The following PYM1 variants were observed in gnomAD, a reference collection of about 807,000 sequenced individuals.
The protein encoded by PYM1 is partner of Y14 and mago.
A neutral mutation model predicts 20.7 loss-of-function variants in PYM1; 7 were observed. The observed-to-expected ratio is 0.34, with a 90% CI of 0.19 to 0.64. The LOEUF is 0.64. Among genes scored for constraint, PYM1 ranks in the 30% least tolerant of loss-of-function variants. The pLI is 0.74. For missense variants in PYM1, 194 were observed against 250.0 expected, an observed-to-expected ratio of 0.78 and a Z score of 1.51; for synonymous variants, 100 against 99.2, an observed-to-expected ratio of 1.01 and a Z score of -0.05.
chr12:55,927,619 G>T, intron 1 of PYM1, 106 bp downstream of exon 1: 5 of 1,411,706 alleles, frequency 3.5e-6, no homozygotes, highest in Non-Finnish European at 3.8e-6. Flanking sequence ...ACCCTAAGAA[G>T]GTGGGGAGGT....
rs1266637800 is a variant in PYM1, at chr12:55,927,749, C to G, written c.13G>C (p.Gly5Arg). The change falls in exon 1 of 3, where the codon GGC becomes CGC. Residue 5 changes from glycine to arginine, a missense_variant. This residue lies in a region of PYM1 where 19 missense variants were observed against 17.8 expected (regional missense o/e 1.07). Transcript: ENST00000408946. MEAA[G>R]SPAATETGKY... is the part of the protein sequence containing the mutation. ...CCTGTCTCCGTAGCCGCAGGGCTGC[C>G]GGCAGCTTCCATGGCCGAAGAGGCA... 9 of 1,539,490 alleles carry G rather than the reference C, an allele frequency of 5.8e-6. No individual in the cohort carries two copies. The Admixed American group carries it at 9.8e-5, about 17-fold the overall frequency.
At chr12:55,906,068 T>C (rs1407418777) in intron 1 of PYM1, among the ~76,000 whole-genome samples, 1 of 148,682 alleles carries the variant, frequency 6.7e-6, no homozygotes, top group East Asian at 1.9e-4. Flanking sequence ...AAACTATCAG[T>C]TGTTTTCCTT....
chr12:55,927,240 A>C (rs995650289), intron 1 of PYM1: 26 of 1,322,018 alleles, frequency 2.0e-5, no homozygotes, highest in Non-Finnish European at 2.7e-5. Context: ...TCATGGGCGG[A>C]GGTGGAGGAG....
intron 1 of PYM1, chr12:55,927,294 T>A: frequency 2.1e-6 from 2 of 942,364 alleles, no homozygotes; most frequent in African/African-American, 1.6e-5. Flanking sequence ...AATAAAGCCG[T>A]GGGCTTTTTA....
At chr12:55,923,794 A>G (rs1883140656) in intron 1 of PYM1, among the ~76,000 whole-genome samples, 1 of 151,764 alleles carries the variant, frequency 6.6e-6, no homozygotes, top group African/African-American at 2.4e-5. Flanking sequence ...AAAAAAAGAA[A>G]TGGCTAGGCG....
chr12:55,904,595 CAAAAAAAAA>C (rs57817659), intron 1 of PYM1, among the ~76,000 whole-genome samples: 1 of 66,946 alleles, frequency 1.5e-5, no homozygotes, highest in Non-Finnish European at 2.7e-5. Flanking sequence ...GACTCCATCT[CAAAAAAAAA>C]AAAAAAAAAA....
Position 55,908,041 on chromosome 12 carries a change from C to T in PYM1, c.38-4561G>A, listed in dbSNP as rs545414234. 4.4e-4 allele frequency among the ~76,000 whole-genome samples: 67 copies of T among 150,890 alleles called. 1 individual carries two copies. Among genetic ancestry groups the T allele is most frequent in the African/African-American group, 1.6e-3 (64 of 40,992 alleles). On this transcript the variant is annotated intron_variant, in intron 1 of 2. Coordinates refer to ENST00000408946, the MANE Select transcript of PYM1 (RefSeq NM_032345.3). Reference sequence around the variant, plus strand: ...GGCGGATTACTTGAGGTCAGGAGTTCGAGACCAGCCTGGCCAACATGGTGA... The same window carrying T: ...GGCGGATTACTTGAGGTCAGGAGTTTGAGACCAGCCTGGCCAACATGGTGA...
intron 1 of PYM1, among the ~76,000 whole-genome samples, chr12:55,907,546 A>T (rs1592636001): frequency 6.6e-6 from 1 of 151,660 alleles, no homozygotes; most frequent in East Asian, 1.9e-4. Flanking sequence ...AAGCAGGAGA[A>T]TCACTTGAAA....
Position 55,901,997 on chromosome 12 carries a change from C to A in PYM1, c.490G>T (p.Val164Leu). ...IKNLKKKLRQ[V>L]EELQQRIQAG... ...TGGATCCGCTGCTGCAGCTCTTCCA[C>A]CTGCCGGAGTTTCTTCTTTAGGTTC... Residue 164 changes from valine to leucine, a missense_variant, in exon 3 of 3, where the codon GTG becomes TTG. Coordinates refer to ENST00000408946, the MANE Select transcript of PYM1 (RefSeq NM_032345.3). 1 of 1,614,184 alleles carries A rather than the reference C, an allele frequency of 6.2e-7. No individual in the cohort carries two copies. The highest frequency in any genetic ancestry group is 2.2e-5 in the East Asian group (1 of 44,884).
intron 1 of PYM1, among the ~76,000 whole-genome samples, chr12:55,905,199 C>T (rs1389486140): frequency 1.3e-5 from 2 of 148,376 alleles, no homozygotes; most frequent in Admixed American, 6.8e-5. Context: ...TTAATAAAGA[C>T]GGGGTTTCAC....
intron 1 of PYM1, among the ~76,000 whole-genome samples, chr12:55,925,545 GA>G (rs1430200528): frequency 6.6e-6 from 1 of 152,152 alleles, no homozygotes; most frequent in Non-Finnish European, 1.5e-5. Flanking sequence ...AGAAAAAAAG[GA>G]GAGAAAAAAA....
At position 55,909,583 on chromosome 12, in the gene PYM1, G is replaced by GA. The variant is rs748616161; in HGVS notation, c.38-6104dup. On this transcript the variant is annotated intron_variant, in intron 1 of 2. Coordinates refer to ENST00000408946, the MANE Select transcript of PYM1 (RefSeq NM_032345.3). Reference sequence around the variant, plus strand: ...TCTAGCATAATAAAAGGGTGACTTGGAAAAAAAAAAAAAACACCAGAGACA... The same window carrying GA: ...TCTAGCATAATAAAAGGGTGACTTGGAAAAAAAAAAAAAAACACCAGAGACA... Among the ~76,000 whole-genome samples, 1,056 of 129,214 alleles carry GA rather than the reference G, an allele frequency of 8.2e-3. 7 individuals carry two copies. The highest frequency in any genetic ancestry group is 0.019 in the African/African-American group (703 of 36,376). 84.8% of individuals were successfully genotyped at this position (129,214 alleles called of 152,430 possible).
At chr12:55,906,883 G>A (rs1482042231) in intron 1 of PYM1, among the ~76,000 whole-genome samples, 1 of 151,830 alleles carries the variant, frequency 6.6e-6, no homozygotes, top group African/African-American at 2.4e-5. Flanking sequence ...CCCGACCTCA[G>A]GTGATCCACC....
chr12:55,922,459 A>AG (rs1302734844), intron 1 of PYM1, among the ~76,000 whole-genome samples: 3 of 151,104 alleles, frequency 2.0e-5, no homozygotes, highest in African/African-American at 7.3e-5. Flanking sequence ...AAAAAAAAAA[A>AG]AAAAAAAATT....
chr12:55,905,329 A>G (rs1230145434), intron 1 of PYM1, among the ~76,000 whole-genome samples: 1 of 151,886 alleles, frequency 6.6e-6, no homozygotes, highest in African/African-American at 2.4e-5. Context: ...TATTTAAAAG[A>G]GATCATATTC....
chr12:55,905,931 CTAAT>C (rs1882802709), intron 1 of PYM1, among the ~76,000 whole-genome samples: 1 of 103,370 alleles, frequency 9.7e-6, no homozygotes, highest in African/African-American at 4.3e-5. Context: ...TTATATATAT[CTAAT>C]AGATATATAT....
chr12:55,927,220 G>A, intron 1 of PYM1: 1 of 1,463,244 alleles, frequency 6.8e-7, no homozygotes, highest in Non-Finnish European at 9.4e-7. Flanking sequence ...TAAAGGGAGA[G>A]TGCACCATTT....
intron 2 of PYM1, 128 bp downstream of exon 2, chr12:55,903,259 G>T: frequency 1.4e-6 from 1 of 738,406 alleles, no homozygotes; most frequent in Non-Finnish European, 2.2e-6. Flanking sequence ...TCCTTTCTCA[G>T]ATAGTTGCCC....
In PYM1 at chr12:55,901,993, T is replaced by C. The variant is rs771135178; in HGVS notation, c.494A>G (p.Glu165Gly). 4 of 1,614,174 alleles carry C rather than the reference T, an allele frequency of 2.5e-6. No individual in the cohort carries two copies. The Admixed American group carries it at 6.7e-5, about 27-fold the overall frequency. The part of the protein sequence containing the change: ...KNLKKKLRQV[E>G]ELQQRIQAGE... ...AGCCTGGATCCGCTGCTGCAGCTCTTCCACCTGCCGGAGTTTCTTCTTTAG... is the reference window on the plus strand; with the variant it reads ...AGCCTGGATCCGCTGCTGCAGCTCTCCCACCTGCCGGAGTTTCTTCTTTAG... Residue 165 changes from glutamate to glycine, a missense_variant, in exon 3 of 3, where the codon GAA becomes GGA. Coordinates refer to ENST00000408946, the MANE Select transcript of PYM1 (RefSeq NM_032345.3).
Sources: gnomAD v4.1 joint callset for allele counts (sites outside exome capture counted in the v4.1 genomes callset) on GRCh38, gnomAD v4.1.1 for gene constraint, gnomAD v4.1.1 regional missense constraint, MANE v1.5 for transcripts, NCBI Gene and HGNC (gene_info 2026-07-23, HGNC 2026-07-21) for gene names.